The following GINM1 variants were observed in gnomAD, a reference collection of about 807,000 sequenced individuals.
The protein encoded by GINM1 is glycoprotein integral membrane protein 1.
A neutral mutation model predicts 37.8 loss-of-function variants in GINM1; 29 were observed. The ratio of observed to expected loss-of-function variants is 0.77; its 90% CI spans 0.57 to 1.05. GINM1 has a LOEUF of 1.05. Ranked by LOEUF, GINM1 falls within the 50% of genes least tolerant of loss-of-function variation. The pLI is 0.00. For synonymous variants in GINM1, 143 were observed against 146.2 expected, an observed-to-expected ratio of 0.98 and a Z score of 0.16; for missense variants, 377 against 397.9, an observed-to-expected ratio of 0.95 and a Z score of 0.45.
intron 7 of GINM1, 94 bp downstream of exon 7, chr6:149,582,697 G>A (rs908756593): frequency 3.0e-5 from 27 of 888,466 alleles, no homozygotes; most frequent in Admixed American, 6.8e-5. Flanking sequence ...ATAAAAATTA[G>A]AAAGGGTAAG....
intron 7 of GINM1, among the ~76,000 whole-genome samples, chr6:149,582,827 G>A (rs1778021721): frequency 2.0e-5 from 3 of 152,150 alleles, no homozygotes; most frequent in Admixed American, 2.0e-4. Flanking sequence ...AGATTCAGAT[G>A]TAAGTAAGAC....
chr6:149,579,702 A>C, intron 4 of GINM1, 132 bp from the exon 5 acceptor site: 1 of 553,720 alleles, frequency 1.8e-6, no homozygotes, highest in Non-Finnish European at 3.1e-6. Context: ...TCTCAAAAAA[A>C]AAAAAAAAGA....
intron 1 of GINM1, among the ~76,000 whole-genome samples, chr6:149,567,646 A>C (rs538143128): frequency 7.2e-4 from 109 of 152,208 alleles, no homozygotes; most frequent in African/African-American, 2.6e-3. Context: ...AAACAAACAA[A>C]CAAAAACAAA....
chr6:149,566,502 C>T lies in GINM1; in HGVS notation c.88C>T (p.Pro30Ser), dbSNP rs780676050. ...PASGWLTTGA[P>S]EPPPLSGAPQ... Reference sequence around the variant, plus strand: ...CTCCGGCTGGCTGACGACGGGCGCCCCCGAGCCGCCGCCGCTGTCCGGAGC... The same window carrying T: ...CTCCGGCTGGCTGACGACGGGCGCCTCCGAGCCGCCGCCGCTGTCCGGAGC... The change falls in exon 1 of 8, where the codon CCC (proline) becomes TCC (serine). Residue 30 changes from proline to serine, a missense_variant. Pro to Ser is a moderately conservative substitution (Grantham distance 74, BLOSUM62 -1). Coordinates refer to ENST00000367419, the MANE Select transcript of GINM1 (RefSeq NM_138785.5). The surrounding 1 kb of genome is among the most constrained non-coding windows in gnomAD (Gnocchi z 4.4). 6.5e-7 allele frequency: 1 copy of T among 1,536,228 alleles called. No individual in the cohort carries two copies. Among genetic ancestry groups the T allele is most frequent in the East Asian group, 2.5e-5 (1 of 40,128 alleles).
rs1430137848 is a variant in GINM1 at position 149,591,137 on chromosome 6, A to T, written c.*299A>T. ...AACCCTGTCTCTACTAAAAAAAATA[A>T]AAAAATTAGCTGGGTGTGGCGGTGC... On this transcript the variant is annotated 3_prime_UTR_variant, in exon 8 of 8. Coordinates refer to ENST00000367419, the MANE Select transcript of GINM1 (RefSeq NM_138785.5). 5.1e-6 allele frequency: 1 copy of T among 197,976 alleles called. No homozygotes were observed. Among genetic ancestry groups the T allele is most frequent in the Non-Finnish European group, 1.0e-5 (1 of 97,064 alleles). 12.3% of individuals were successfully genotyped at this position (197,976 alleles called of 1,614,324 possible). A position where few individuals can be genotyped will look rare whatever the true frequency, so the allele number is the denominator to read the frequency against.
intron 7 of GINM1, among the ~76,000 whole-genome samples, chr6:149,588,627 G>GT (rs1393815645): frequency 1.3e-5 from 2 of 151,920 alleles, no homozygotes; most frequent in Admixed American, 6.6e-5. Flanking sequence ...TTTTTTGTTT[G>GT]TTTTTTGTTT....
At chr6:149,578,013 CCAT>C (rs1777940825) in intron 3 of GINM1, 2 of 152,282 alleles carry the variant, frequency 1.3e-5, no homozygotes, top group South Asian at 4.1e-4. Flanking sequence ...CCCTCTTTCC[CCAT>C]TCCTGCTCTC....
chr6:149,585,336 A>G (rs1778053885), intron 7 of GINM1, among the ~76,000 whole-genome samples: 1 of 152,192 alleles, frequency 6.6e-6, no homozygotes, highest in Non-Finnish European at 1.5e-5. Flanking sequence ...TTCAATTCTT[A>G]TTCTACCTAG....
chr6:149,573,703 CA>C lies in GINM1; in HGVS notation c.277+1106del, dbSNP rs535863513. 1.1e-4 allele frequency among the ~76,000 whole-genome samples: 16 copies of C among 151,594 alleles called. 1 individual carries two copies. In the South Asian group the frequency reaches 2.9e-3, roughly 28 times the overall value. ...GCAACATGGTAAAACCTTGTCTCTG[CA>C]AAAAATACAAAAATAAATTAGCTGG... On this transcript the variant is annotated intron_variant, in intron 3 of 7. Transcript: ENST00000367419.
chr6:149,568,868 C>G (rs1298992549), intron 1 of GINM1, among the ~76,000 whole-genome samples: 3 of 151,922 alleles, frequency 2.0e-5, no homozygotes, highest in Non-Finnish European at 4.4e-5. Flanking sequence ...CTCGCTCTGT[C>G]TCACACAGGC....
chr6:149,590,787 A>C lies in GINM1; in HGVS notation c.942A>C (p.Pro314=). The C allele has an allele frequency of 6.2e-7, 1 of 1,605,930 alleles. No individual in the cohort carries two copies. The highest frequency in any genetic ancestry group is 8.5e-7 in the Non-Finnish European group (1 of 1,172,862). ...VIPVTAINLY[P]DGPEKRAENL... ...CTGTGACAGCTATCAACTTATATCC[A>C]GATGGTCCAGAGAAAAGAGCTGAAA... Residue 314 remains proline (P), a synonymous_variant, in exon 8 of 8, where the codon CCA becomes CCC. Coordinates refer to ENST00000367419, the MANE Select transcript of GINM1 (RefSeq NM_138785.5).
intron 3 of GINM1, among the ~76,000 whole-genome samples, chr6:149,573,568 A>G (rs1319150927): frequency 1.3e-5 from 2 of 152,146 alleles, no homozygotes; most frequent in Non-Finnish European, 2.9e-5. Flanking sequence ...TATTTCTGGT[A>G]AGTAGATAAC....
At chr6:149,570,423 G>C (rs1582731378) in intron 1 of GINM1, among the ~76,000 whole-genome samples, 1 of 151,874 alleles carries the variant, frequency 6.6e-6, no homozygotes, top group East Asian at 1.9e-4. Flanking sequence ...ATTTGTTTTA[G>C]ATGCACTATT....
intron 3 of GINM1, among the ~76,000 whole-genome samples, chr6:149,577,678 A>G (rs1175068842): frequency 2.0e-5 from 3 of 152,240 alleles, no homozygotes; most frequent in Non-Finnish European, 2.9e-5. Context: ...AAGTAGCCCT[A>G]TAGATGCACA....
rs544193245 is a variant in GINM1 at position 149,580,895 on chromosome 6, G to A, written c.717+172G>A. 39 of 563,864 alleles carry A rather than the reference G, an allele frequency of 6.9e-5. No individual in the cohort carries two copies. In the East Asian group the frequency reaches 9.0e-4, roughly 13 times the overall value. 34.9% of individuals were successfully genotyped at this position (563,864 alleles called of 1,614,324 possible). A position where few individuals can be genotyped will look rare whatever the true frequency, so the allele number is the denominator to read the frequency against. Reference sequence around the variant, plus strand: ...TTTTAGTATTCCTATTTTCCTCTTCGAGCTTTGTTTAATAATATTGTAGTC... The same window carrying A: ...TTTTAGTATTCCTATTTTCCTCTTCAAGCTTTGTTTAATAATATTGTAGTC... On this transcript the variant is annotated intron_variant, in intron 6 of 7. Transcript: ENST00000367419.
intron 3 of GINM1, among the ~76,000 whole-genome samples, chr6:149,574,681 G>A (rs1251833875): frequency 1.3e-5 from 2 of 152,044 alleles, no homozygotes; most frequent in Non-Finnish European, 2.9e-5. Flanking sequence ...CTTCAGTCTG[G>A]GAGTTCGAGA....
chr6:149,583,200 C>G (rs926904635), intron 7 of GINM1, among the ~76,000 whole-genome samples: 2 of 152,126 alleles, frequency 1.3e-5, no homozygotes, highest in Admixed American at 1.3e-4. Flanking sequence ...CCTGGTGGCT[C>G]ATGCCTGTAA....
intron 1 of GINM1, among the ~76,000 whole-genome samples, chr6:149,568,866 G>A (rs1402091503): frequency 2.0e-5 from 3 of 151,782 alleles, no homozygotes; most frequent in Non-Finnish European, 4.4e-5. Flanking sequence ...ATCTCGCTCT[G>A]TCTCACACAG....
chr6:149,582,686 T>C, intron 7 of GINM1, 83 bp downstream of exon 7: 8 of 1,004,240 alleles, frequency 8.0e-6, no homozygotes, highest in Non-Finnish European at 1.1e-5. Context: ...GAATAGAAAA[T>C]ATAAAAATTA....
Sources: allele counts gnomAD v4.1 joint callset (sites outside exome capture counted in the v4.1 genomes callset), GRCh38; gene constraint gnomAD v4.1.1; non-coding constraint Gnocchi (gnomAD v3.1); transcripts MANE v1.5; gene names NCBI Gene and HGNC (gene_info 2026-07-23, HGNC 2026-07-21).